Variants in EVA1A observed in about 807,000 individuals in gnomAD.
The protein encoded by EVA1A is protein eva-1 homolog A.
A neutral mutation model predicts 9.8 loss-of-function variants in EVA1A; 7 were observed. The ratio of observed to expected loss-of-function variants is 0.71; its 90% CI spans 0.41 to 1.34. The LOEUF (loss-of-function observed/expected upper bound fraction) is 1.34, where lower values mean the gene tolerates loss of function less well. EVA1A is among the 40% of genes most tolerant of loss of function. The pLI, the probability that EVA1A is intolerant of heterozygous loss-of-function variation, is 0.01. For synonymous variants in EVA1A, 90 were observed against 85.6 expected (o/e 1.05, Z -0.28); for missense variants, 206 against 205.9 (o/e 1.00, Z 0.00).
intron 3 of EVA1A, among the ~76,000 whole-genome samples, chr2:75,510,346 G>A (rs1674766577): frequency 6.6e-6 from 1 of 152,226 alleles, no homozygotes; most frequent in East Asian, 1.9e-4. Context: ...TTTACTGCAA[G>A]TCTCCAATGC....
chr2:75,534,276 T>C (rs375326109), intron 1 of EVA1A, among the ~76,000 whole-genome samples: 2 of 151,970 alleles, frequency 1.3e-5, no homozygotes, highest in South Asian at 2.1e-4. Flanking sequence ...GAAAAATTAA[T>C]GTATGTAAAG....
At chr2:75,520,741 A>G (rs1675203684) in intron 2 of EVA1A, among the ~76,000 whole-genome samples, 1 of 152,200 alleles carries the variant, frequency 6.6e-6, no homozygotes, top group South Asian at 2.1e-4. Flanking sequence ...ATTTTAGAAG[A>G]CTGTTAGAAG....
At chr2:75,554,032 G>A (rs1252235936) in intron 1 of EVA1A, among the ~76,000 whole-genome samples, 1 of 152,174 alleles carries the variant, frequency 6.6e-6, no homozygotes, top group Non-Finnish European at 1.5e-5. Flanking sequence ...CCCATGGGCT[G>A]CTATGGCCTG....
intron 1 of EVA1A, chr2:75,541,689 T>C (rs1218725610): frequency 3.3e-5 from 5 of 152,942 alleles, no homozygotes; most frequent in Non-Finnish European, 7.3e-5. Context: ...CAGCTCAACA[T>C]GTTCTAAGTT....
At chr2:75,541,634 G>T (rs1341993495) in intron 1 of EVA1A, 1 of 152,632 alleles carries the variant, frequency 6.6e-6, no homozygotes, top group Admixed American at 6.5e-5. Context: ...GAACACTGAG[G>T]TTATTGGGGG....
At chr2:75,528,200 T>C (rs561771455) in intron 1 of EVA1A, among the ~76,000 whole-genome samples, 1 of 152,290 alleles carries the variant, frequency 6.6e-6, no homozygotes, top group South Asian at 2.1e-4. Flanking sequence ...GAAAGAGACT[T>C]GCAGCTGAAC....
At chr2:75,531,142 A>C (rs1313393671) in intron 1 of EVA1A, among the ~76,000 whole-genome samples, 1 of 152,204 alleles carries the variant, frequency 6.6e-6, no homozygotes. Flanking sequence ...GAACTCAGTC[A>C]CCTTTACAAT....
intron 3 of EVA1A, among the ~76,000 whole-genome samples, chr2:75,507,704 G>A (rs796974556): frequency 1.3e-5 from 2 of 152,088 alleles, no homozygotes; most frequent in South Asian, 2.1e-4. Flanking sequence ...AGCCCAAAAC[G>A]GCCCTTCAGA....
chr2:75,518,204 C>G lies in EVA1A; in HGVS notation c.-64G>C. 2 of 1,592,792 alleles carry G rather than the reference C, an allele frequency of 1.3e-6. No individual in the cohort carries two copies. The highest frequency in any genetic ancestry group is 1.2e-5 in the South Asian group (1 of 86,842). ...AATCAACGTGGCCACTCTCCTTCTT[C>G]TCTTCTGTTTGGGAACATAAAGTGA... On this transcript the variant is annotated 5_prime_UTR_variant, in exon 3 of 4. Coordinates refer to ENST00000393913, the MANE Select transcript of EVA1A (RefSeq NM_001135032.2).
Position 75,535,295 on chromosome 2 carries a change from C to CAAAAAAAAA in EVA1A, c.-191-12817_-191-12809dup, listed in dbSNP as rs3081156. Among the ~76,000 whole-genome samples the CAAAAAAAAA allele has an allele frequency of 1.2e-3, 108 of 92,460 alleles. 3 individuals are homozygous for CAAAAAAAAA. The highest frequency in any genetic ancestry group is 3.1e-3 in the African/African-American group (70 of 22,828). The allele number at this position is 92,460 out of a possible 152,430, so 60.7% of individuals were successfully genotyped here. ...AAAGCAATAGATGGCATAGATATGG[C>CAAAAAAAAA]AAAAAAAAAAAAAAAAAGGGAACTC... On this transcript the variant is annotated intron_variant, in intron 1 of 3. Coordinates refer to ENST00000393913, the MANE Select transcript of EVA1A (RefSeq NM_001135032.2).
At chr2:75,563,393 C>T (rs992141747), upstream of EVA1A, among the ~76,000 whole-genome samples, 2 of 152,174 alleles carry the variant, frequency 1.3e-5, no homozygotes, top group African/African-American at 4.8e-5. Context: ...GTAGATTCTA[C>T]CAGGAGCTAT....
intron 2 of EVA1A, chr2:75,518,819 C>T (rs1034552981): frequency 1.0e-6 from 1 of 985,368 alleles, no homozygotes; most frequent in Non-Finnish European, 1.2e-6. Flanking sequence ...ATCAGTTTGC[C>T]TCATCCCTCA....
At chr2:75,511,535 T>C (rs60325840) in intron 3 of EVA1A, among the ~76,000 whole-genome samples, 2,434 of 152,274 alleles carry the variant, frequency 0.016, 61 homozygotes, top group African/African-American at 0.056. Context: ...GGCAAAACAG[T>C]ATGCATGGTG....
chr2:75,548,321 G>C (rs544356102), intron 1 of EVA1A, among the ~76,000 whole-genome samples: 1 of 152,272 alleles, frequency 6.6e-6, no homozygotes, highest in South Asian at 2.1e-4. Context: ...TTTTGGTAGA[G>C]ATGAGGTTTT....
chr2:75,547,194 C>T (rs1172816928), intron 1 of EVA1A, among the ~76,000 whole-genome samples: 2 of 152,192 alleles, frequency 1.3e-5, no homozygotes, highest in East Asian at 3.9e-4. Flanking sequence ...TTCCCTTGTC[C>T]TCCTTGCTGG....
chr2:75,523,126 C>T (rs1206467676), intron 1 of EVA1A, among the ~76,000 whole-genome samples: 1 of 152,198 alleles, frequency 6.6e-6, no homozygotes, highest in East Asian at 1.9e-4. Flanking sequence ...CACACTCATT[C>T]ATTCGTCATC....
chr2:75,517,049 C>T (rs909218817), intron 3 of EVA1A, among the ~76,000 whole-genome samples: 1 of 152,088 alleles, frequency 6.6e-6, no homozygotes, highest in Non-Finnish European at 1.5e-5. Context: ...GCAGCTTGCC[C>T]AGAACAAGAC....
At position 75,517,700 on chromosome 2, in the gene EVA1A, GGT is replaced by G. The variant is rs548862019; in HGVS notation, c.85+354_85+355del. On this transcript the variant is annotated intron_variant, in intron 3 of 3. Coordinates refer to ENST00000393913, the MANE Select transcript of EVA1A (RefSeq NM_001135032.2). ...TCTCACACACAGGCAGCCTGTGTGA[GGT>G]TAACTGCATAGAATAACCAGGCTGA... is the stretch of plus-strand genomic sequence containing the variant. 132 of 677,868 alleles carry G rather than the reference GGT, an allele frequency of 1.9e-4. No individual in the cohort carries two copies. In the African/African-American group the frequency reaches 2.2e-3, roughly 11 times the overall value. The allele number at this position is 677,868 out of a possible 1,614,324, so 42.0% of individuals were successfully genotyped here.
At chr2:75,518,254 T>C in intron 2 of EVA1A, 46 bp from the exon 3 acceptor site, 1 of 1,486,952 alleles carries the variant, frequency 6.7e-7, no homozygotes. Context: ...TCTGCTGTCC[T>C]GAGGCCATGT....
Sources: allele counts gnomAD v4.1 joint callset (sites outside exome capture counted in the v4.1 genomes callset), GRCh38; gene constraint gnomAD v4.1.1; transcripts MANE v1.5; gene names NCBI Gene and HGNC (gene_info 2026-07-23, HGNC 2026-07-21).